SLC8A1: variants seen among roughly 807,000 people sequenced by gnomAD.
SLC8A1 encodes sodium/calcium exchanger 1.
A neutral mutation model predicts 68.3 loss-of-function variants in SLC8A1; 18 were observed. The ratio of observed to expected loss-of-function variants is 0.26; its 90% confidence interval spans 0.18 to 0.39. The LOEUF is 0.39. SLC8A1 is among the 10% of genes least tolerant of loss of function. The probability of loss-of-function intolerance (pLI) is 1.00; values close to 1 mark genes in which losing one functional copy is unlikely to be tolerated. For missense variants in SLC8A1, 985 were observed against 1,156.7 expected (o/e 0.85, Z 2.15); for synonymous variants, 475 against 415.5 (o/e 1.14, Z -1.74).
chr2:40,314,825 T>C (rs1206997464), intron 2 of SLC8A1, among the ~76,000 whole-genome samples: 1 of 152,072 alleles, frequency 6.6e-6, no homozygotes, highest in African/African-American at 2.4e-5. Context: ...AGAAATACAA[T>C]TAATTTCTGC....
intron 2 of SLC8A1, among the ~76,000 whole-genome samples, chr2:40,264,354 A>G (rs1315575873): frequency 1.3e-5 from 2 of 152,180 alleles, no homozygotes; most frequent in African/African-American, 4.8e-5. Flanking sequence ...TACTGGGTAT[A>G]TACCCAAAGG....
chr2:40,436,928 G>A (rs930388784), intron 1 of SLC8A1, among the ~76,000 whole-genome samples: 4 of 152,132 alleles, frequency 2.6e-5, no homozygotes, highest in African/African-American at 9.7e-5. Flanking sequence ...CAGGGTTTAA[G>A]GGCCCTACTC....
intron 6 of SLC8A1, among the ~76,000 whole-genome samples, chr2:40,150,728 A>G (rs1434416026): frequency 6.6e-6 from 1 of 152,226 alleles, no homozygotes; most frequent in East Asian, 1.9e-4. Flanking sequence ...AGAGAAGAAC[A>G]GACCAATGAG....
intron 2 of SLC8A1, among the ~76,000 whole-genome samples, chr2:40,225,393 T>C (rs552789776): frequency 1.3e-5 from 2 of 152,290 alleles, no homozygotes; most frequent in South Asian, 4.1e-4. Context: ...TGGGTACCCA[T>C]CTATGTGCTA....
chr2:40,396,860 C>T (rs1559515331), intron 2 of SLC8A1, among the ~76,000 whole-genome samples: 1 of 150,096 alleles, frequency 6.7e-6, no homozygotes, highest in African/African-American at 2.5e-5. Context: ...AATGACCTGA[C>T]TTTTTGGGTT....
intron 1 of SLC8A1, among the ~76,000 whole-genome samples, chr2:40,495,150 C>A (rs1201453477): frequency 1.3e-5 from 2 of 151,898 alleles, no homozygotes; most frequent in African/African-American, 4.8e-5. Flanking sequence ...TCAGTTGATG[C>A]ATGATTTCTT....
intron 2 of SLC8A1, among the ~76,000 whole-genome samples, chr2:40,387,218 T>C (rs76582234): frequency 0.031 from 4,700 of 151,482 alleles, 183 homozygotes; most frequent in African/African-American, 0.047. Flanking sequence ...AGGGTCTACA[T>C]CTTTACTTGG....
At chr2:40,338,171 C>T (rs530030317) in intron 2 of SLC8A1, among the ~76,000 whole-genome samples, 5 of 152,154 alleles carry the variant, frequency 3.3e-5, no homozygotes, top group South Asian at 2.1e-4. Flanking sequence ...AGTAGATAAT[C>T]GTAGTGGGGT....
chr2:40,277,535 G>A (rs1367831774), intron 2 of SLC8A1, among the ~76,000 whole-genome samples: 2 of 151,626 alleles, frequency 1.3e-5, no homozygotes, highest in South Asian at 4.2e-4. Context: ...GTGAGACTCT[G>A]TCTCAAGAAA....
chr2:40,221,992 C>G (rs915714885), intron 2 of SLC8A1, among the ~76,000 whole-genome samples: 4 of 152,130 alleles, frequency 2.6e-5, no homozygotes, highest in Admixed American at 6.5e-5. Flanking sequence ...CTACCATTGA[C>G]TTTCATCACA....
chr2:40,214,404 T>C lies in SLC8A1; in HGVS notation c.1809-36549A>G, dbSNP rs10176832. 7.9e-3 allele frequency among the ~76,000 whole-genome samples: 1,195 copies of C among 152,038 alleles called. 20 individuals carry two copies. The highest frequency in any genetic ancestry group is 0.027 in the African/African-American group (1,138 of 41,476). The stretch of plus-strand genomic sequence containing the variant: ...GCTTTCCAGGCCCCGTGTTCAGAAG[T>C]TGTTTAGCAGATCATTTCTTTGTAC... On this transcript the variant is annotated intron_variant, in intron 2 of 7. Coordinates refer to ENST00000406785, the Ensembl canonical transcript of SLC8A1.
intron 2 of SLC8A1, among the ~76,000 whole-genome samples, chr2:40,424,288 T>C (rs1696295047): frequency 6.6e-6 from 1 of 151,962 alleles, no homozygotes; most frequent in African/African-American, 2.4e-5. Flanking sequence ...GGCTGTCTTA[T>C]TGTATTTTGT....
intron 2 of SLC8A1, among the ~76,000 whole-genome samples, chr2:40,276,529 T>C (rs1244162619): frequency 6.6e-6 from 1 of 152,216 alleles, no homozygotes; most frequent in Admixed American, 6.5e-5. Context: ...TCCTTCTTCA[T>C]GGAAACTACA....
At chr2:40,459,198 A>G (rs183034501) in intron 1 of SLC8A1, among the ~76,000 whole-genome samples, 6 of 152,318 alleles carry the variant, frequency 3.9e-5, no homozygotes, top group Admixed American at 6.5e-5. Context: ...AGGGTGTCAT[A>G]TGGAGAAACT....
intron 2 of SLC8A1, among the ~76,000 whole-genome samples, chr2:40,309,386 C>T (rs572448635): frequency 2.0e-4 from 30 of 151,170 alleles, no homozygotes; most frequent in Non-Finnish European, 4.1e-4. Context: ...AAAAAGGATA[C>T]GTGTTTTTGG....
At chr2:40,232,170 G>A (rs896672156) in intron 2 of SLC8A1, among the ~76,000 whole-genome samples, 11 of 151,960 alleles carry the variant, frequency 7.2e-5, no homozygotes, top group African/African-American at 1.9e-4. Flanking sequence ...CTTTGGAAAC[G>A]GAAAACCTTA....
intron 2 of SLC8A1, among the ~76,000 whole-genome samples, chr2:40,335,242 A>T (rs1665582376): frequency 6.6e-6 from 1 of 152,224 alleles, no homozygotes; most frequent in Non-Finnish European, 1.5e-5. Flanking sequence ...AAATAATGTA[A>T]AGACAAAGCA....
intron 2 of SLC8A1, among the ~76,000 whole-genome samples, chr2:40,323,700 C>A (rs534041406): frequency 1.3e-5 from 2 of 152,084 alleles, no homozygotes; most frequent in East Asian, 3.9e-4. Flanking sequence ...GGGGGAAATA[C>A]AACAAAAACA....
At chr2:40,402,744 A>G (rs1021445248) in intron 2 of SLC8A1, among the ~76,000 whole-genome samples, 12 of 152,120 alleles carry the variant, frequency 7.9e-5, no homozygotes, top group Non-Finnish European at 1.3e-4. Context: ...TTTCCACCCA[A>G]TCTTGTTTTC....
Sources: allele counts gnomAD v4.1 joint callset (sites outside exome capture counted in the v4.1 genomes callset), GRCh38; gene constraint gnomAD v4.1.1; transcripts MANE v1.5; gene names NCBI Gene and HGNC (gene_info 2026-07-23, HGNC 2026-07-21).